Variants in TTC28 observed in about 807,000 individuals in gnomAD.
TTC28 encodes the protein tetratricopeptide repeat protein 28.
TTC28 carries 61 observed loss-of-function variants against 198.0 expected under a neutral mutation model. That is an observed-to-expected ratio of 0.31 (90% CI 0.25 to 0.38). The LOEUF is 0.38. Among genes scored for constraint, TTC28 ranks in the 10% least tolerant of loss-of-function variants. The pLI, the probability that TTC28 is intolerant of heterozygous loss-of-function variation, is 1.00. For missense variants in TTC28, 2,678 were observed against 3,164.0 expected (o/e 0.85, Z 3.69); for synonymous variants, 1,171 against 1,297.8 (o/e 0.90, Z 2.10).
At chr22:28,421,486 G>T (rs547704555) in intron 2 of TTC28, among the ~76,000 whole-genome samples, 1 of 152,216 alleles carries the variant, frequency 6.6e-6, no homozygotes, top group South Asian at 2.1e-4. Flanking sequence ...TTTCTCTGAT[G>T]ACTAATGAGA....
At chr22:28,297,046 T>C (rs952090518) in intron 4 of TTC28, among the ~76,000 whole-genome samples, 1 of 152,194 alleles carries the variant, frequency 6.6e-6, no homozygotes, top group African/African-American at 2.4e-5. Context: ...AATGTTATCA[T>C]TTGACATATT....
chr22:28,629,298 G>A (rs1277000292), intron 2 of TTC28: 4 of 429,514 alleles, frequency 9.3e-6, no homozygotes, highest in South Asian at 8.4e-5. Flanking sequence ...CTTATCAAGC[G>A]GCACAGATAA....
intron 2 of TTC28, among the ~76,000 whole-genome samples, chr22:28,450,397 C>T (rs2047762034): frequency 6.6e-6 from 1 of 152,164 alleles, no homozygotes; most frequent in Non-Finnish European, 1.5e-5. Flanking sequence ...AACCCTAGAT[C>T]CACCACTTAC....
At position 28,084,369 on chromosome 22, in the gene TTC28, G is replaced by A. The variant is rs372996564; in HGVS notation, c.3932+9711C>T. On this transcript the variant is annotated intron_variant, in intron 12 of 22. Transcript: ENST00000397906. ...GCGGTTCACCAATATCCGCTGTTCT[G>A]CAGCCACCGCTGCTGATACCCAGGA... 2.0e-4 allele frequency among the ~76,000 whole-genome samples: 30 copies of A among 152,290 alleles called. No homozygotes were observed. The East Asian group carries it at 5.2e-3, about 26-fold the overall frequency.
chr22:28,629,944 T>C (rs946735255), intron 1 of TTC28, 114 bp from the exon 2 acceptor site: 3 of 946,042 alleles, frequency 3.2e-6, no homozygotes, highest in Non-Finnish European at 4.6e-6. Context: ...TGATCCCCAG[T>C]ATTGGAGGTG....
intron 2 of TTC28, among the ~76,000 whole-genome samples, chr22:28,592,832 G>A (rs1357201736): frequency 1.3e-5 from 2 of 152,098 alleles, no homozygotes; most frequent in African/African-American, 4.8e-5. Context: ...TAGAGCACAA[G>A]TAAGAATCAC....
intron 12 of TTC28, among the ~76,000 whole-genome samples, chr22:28,073,356 C>T (rs987597309): frequency 6.6e-6 from 1 of 152,080 alleles, no homozygotes; most frequent in African/African-American, 2.4e-5. Flanking sequence ...TATCTGTGTC[C>T]TTGGGATAGA....
chr22:28,521,524 T>C (rs1033522328), intron 2 of TTC28, among the ~76,000 whole-genome samples: 2 of 152,196 alleles, frequency 1.3e-5, no homozygotes, highest in South Asian at 2.1e-4. Context: ...GCAGATATTC[T>C]GCTGCTCCTC....
intron 2 of TTC28, among the ~76,000 whole-genome samples, chr22:28,391,550 CT>C (rs2146068297): frequency 6.6e-6 from 1 of 152,244 alleles, no homozygotes; most frequent in East Asian, 1.9e-4. Flanking sequence ...TCTTTTTATT[CT>C]TTTTTCTCTA....
At chr22:28,018,279 A>C (rs376068895) in intron 13 of TTC28, among the ~76,000 whole-genome samples, 8 of 65,526 alleles carry the variant, frequency 1.2e-4, no homozygotes, top group African/African-American at 4.0e-4. Flanking sequence ...GTGTGTGTGT[A>C]TGTGTGTGCG....
chr22:27,993,524 G>A lies in TTC28; in HGVS notation c.5245-6C>T, dbSNP rs768347406. The stretch of plus-strand genomic sequence containing the variant: ...CGCTGCAGGGATTTCTCCACCTGAG[G>A]GGGAATTGGGGGTGAGTCAGAGACC... On this transcript the variant is annotated splice_polypyrimidine_tract_variant and splice_region_variant and intron_variant, in intron 17 of 22. Coordinates refer to ENST00000397906, the MANE Select transcript of TTC28 (RefSeq NM_001145418.2). The A allele has an allele frequency of 5.2e-6, 8 of 1,535,840 alleles. No individual in the cohort carries two copies. The highest frequency in any genetic ancestry group is 6.2e-6 in the Non-Finnish European group (7 of 1,136,228).
chr22:28,653,229 C>T (rs2051590958), intron 1 of TTC28, among the ~76,000 whole-genome samples: 1 of 152,176 alleles, frequency 6.6e-6, no homozygotes, highest in Non-Finnish European at 1.5e-5. Flanking sequence ...ATATGCTGAG[C>T]ATGGTGGCTC....
At chr22:28,027,472 C>G (rs891373595) in intron 13 of TTC28, among the ~76,000 whole-genome samples, 13 of 152,238 alleles carry the variant, frequency 8.5e-5, no homozygotes, top group Non-Finnish European at 1.6e-4. Flanking sequence ...TCTCACTTGA[C>G]TCGCATTAGC....
intron 5 of TTC28, among the ~76,000 whole-genome samples, chr22:28,194,611 G>A (rs1057219883): frequency 5.3e-5 from 8 of 151,906 alleles, no homozygotes; most frequent in Non-Finnish European, 1.2e-4. Context: ...TATCACCACC[G>A]ATCCCACAGA....
At chr22:28,294,512 AATAC>A (rs760909858) in intron 5 of TTC28, among the ~76,000 whole-genome samples, 3 of 152,076 alleles carry the variant, frequency 2.0e-5, no homozygotes, top group Non-Finnish European at 4.4e-5. Context: ...TAATTGGGCT[AATAC>A]ATACACCTTG....
At chr22:28,398,755 T>A (rs1461507464) in intron 2 of TTC28, among the ~76,000 whole-genome samples, 1 of 152,228 alleles carries the variant, frequency 6.6e-6, no homozygotes, top group South Asian at 2.1e-4. Flanking sequence ...TCACTTTATA[T>A]GCTAACTTTG....
chr22:28,013,467 C>T (rs1269202579), intron 14 of TTC28, among the ~76,000 whole-genome samples: 1 of 152,246 alleles, frequency 6.6e-6, no homozygotes, highest in East Asian at 1.9e-4. Flanking sequence ...GGTGAATACA[C>T]ACCACAGAAA....
At chr22:28,315,842 A>G (rs78847835) in intron 2 of TTC28, among the ~76,000 whole-genome samples, 3 of 152,166 alleles carry the variant, frequency 2.0e-5, no homozygotes, top group Non-Finnish European at 4.4e-5. Flanking sequence ...GTCTCATGAC[A>G]AAGAGAATGA....
rs536868624 is a variant in TTC28, at chr22:28,329,441, C to A, written c.382-22798G>T. On this transcript the variant is annotated intron_variant, in intron 2 of 22. Coordinates refer to ENST00000397906, the MANE Select transcript of TTC28 (RefSeq NM_001145418.2). ...TATCATCCTCATTACATCTCTATAA[C>A]CACTTGATGCCAGGGCTTTCTCTCA... Among the ~76,000 whole-genome samples the A allele has an allele frequency of 3.9e-5, 6 of 152,252 alleles. No homozygotes were observed. The East Asian group carries it at 1.2e-3, about 29-fold the overall frequency.
Sources: gnomAD v4.1 joint callset for allele counts (sites outside exome capture counted in the v4.1 genomes callset) on GRCh38, gnomAD v4.1.1 for gene constraint, MANE v1.5 for transcripts, NCBI Gene and HGNC (gene_info 2026-07-23, HGNC 2026-07-21) for gene names.